CHRM3: variants seen among roughly 807,000 people sequenced by gnomAD.
CHRM3 encodes muscarinic acetylcholine receptor M3.
A neutral mutation model predicts 41.8 loss-of-function variants in CHRM3; 11 were observed. That is an observed-to-expected ratio of 0.26 (90% CI 0.17 to 0.44). CHRM3 has a LOEUF of 0.44. Ranked by LOEUF, CHRM3 falls within the 20% of genes least tolerant of loss-of-function variation. The probability of loss-of-function intolerance (pLI) is 1.00; values close to 1 mark genes in which losing one functional copy is unlikely to be tolerated. For missense variants in CHRM3, 571 were observed against 745.4 expected, an observed-to-expected ratio of 0.77 and a Z score of 2.72; for synonymous variants, 297 against 301.4, an observed-to-expected ratio of 0.99 and a Z score of 0.15.
chr1:239,733,570 A>G (rs1024786347), intron 5 of CHRM3, among the ~76,000 whole-genome samples: 3 of 152,072 alleles, frequency 2.0e-5, no homozygotes, highest in African/African-American at 7.2e-5. Context: ...TTATTTTGCT[A>G]TCAGGCTCTG....
At chr1:239,457,124 G>T (rs1409173559) in intron 1 of CHRM3, among the ~76,000 whole-genome samples, 1 of 151,462 alleles carries the variant, frequency 6.6e-6, no homozygotes, top group Non-Finnish European at 1.5e-5. Context: ...GGTCAAACCA[G>T]TGAAACCATT....
intron 5 of CHRM3, among the ~76,000 whole-genome samples, chr1:239,770,278 G>A (rs980760562): frequency 1.1e-3 from 173 of 152,316 alleles, no homozygotes; most frequent in African/African-American, 4.0e-3. Context: ...GGCCTAGACA[G>A]TGTATGTGTT....
intron 5 of CHRM3, among the ~76,000 whole-genome samples, chr1:239,696,287 C>A (rs1273981908): frequency 6.6e-6 from 1 of 152,168 alleles, no homozygotes. Context: ...GCAAAAAGTG[C>A]TATCTTTTGT....
chr1:239,789,229 C>T (rs1669151316), intron 5 of CHRM3, among the ~76,000 whole-genome samples: 1 of 152,098 alleles, frequency 6.6e-6, no homozygotes, highest in African/African-American at 2.4e-5. Flanking sequence ...TCTCACTGGC[C>T]AGTGCTCAAA....
chr1:239,441,736 A>AT (rs1663738518), intron 1 of CHRM3, among the ~76,000 whole-genome samples: 1 of 144,102 alleles, frequency 6.9e-6, no homozygotes, highest in South Asian at 2.1e-4. Flanking sequence ...GCTTTTGCCA[A>AT]TTTTTTATAG....
chr1:239,867,444 T>G (rs991023371), intron 6 of CHRM3, among the ~76,000 whole-genome samples: 6 of 152,124 alleles, frequency 3.9e-5, no homozygotes, highest in Admixed American at 3.9e-4. Flanking sequence ...TCCCAGCACT[T>G]TGGGAAGCCG....
intron 5 of CHRM3, among the ~76,000 whole-genome samples, chr1:239,792,662 A>C (rs969385366): frequency 1.3e-5 from 2 of 152,198 alleles, no homozygotes; most frequent in Non-Finnish European, 2.9e-5. Context: ...AATGTGTTCA[A>C]ATAAAGTTAT....
chr1:239,650,236 TA>T (rs1409977013), intron 4 of CHRM3, among the ~76,000 whole-genome samples: 1 of 152,232 alleles, frequency 6.6e-6, no homozygotes, highest in Non-Finnish European at 1.5e-5. Flanking sequence ...ATTCTTCTTA[TA>T]GGCAGGGTGA....
chr1:239,743,788 C>CTTTTTTTTTTTTTTT (rs10718514), intron 5 of CHRM3, among the ~76,000 whole-genome samples: 31 of 81,186 alleles, frequency 3.8e-4, no homozygotes, highest in Non-Finnish European at 4.8e-4. Context: ...TTTTTTTTTT[C>CTTTTTTTTTTTTTTT]TTTTTTTTTT....
intron 6 of CHRM3, among the ~76,000 whole-genome samples, chr1:239,898,970 T>A (rs1341835993): frequency 1.3e-5 from 2 of 152,224 alleles, no homozygotes; most frequent in Admixed American, 1.3e-4. Flanking sequence ...AATTCAGTAC[T>A]GTCAAACTTT....
intron 2 of CHRM3, among the ~76,000 whole-genome samples, chr1:239,520,729 A>G (rs1220220301): frequency 3.9e-5 from 6 of 152,308 alleles, no homozygotes; most frequent in African/African-American, 1.4e-4. Flanking sequence ...CTAAAATAGC[A>G]TTCTAACCAG....
At chr1:239,750,957 G>T (rs1665768424) in intron 5 of CHRM3, among the ~76,000 whole-genome samples, 1 of 152,134 alleles carries the variant, frequency 6.6e-6, no homozygotes, top group Admixed American at 6.5e-5. Context: ...TCCAGGTGAG[G>T]TGGCTCATGC....
At chr1:239,616,213 G>GT (rs1667615821) in intron 3 of CHRM3, among the ~76,000 whole-genome samples, 1 of 152,154 alleles carries the variant, frequency 6.6e-6, no homozygotes, top group Admixed American at 6.5e-5. Context: ...AATTCGTGTG[G>GT]TTAAACCTAA....
At chr1:239,752,188 G>A (rs1172901813) in intron 5 of CHRM3, among the ~76,000 whole-genome samples, 1 of 152,188 alleles carries the variant, frequency 6.6e-6, no homozygotes, top group African/African-American at 2.4e-5. Context: ...GGGATTTGTG[G>A]TCAGACATGG....
intron 3 of CHRM3, among the ~76,000 whole-genome samples, chr1:239,572,957 T>C (rs901747340): frequency 6.6e-6 from 1 of 152,172 alleles, no homozygotes; most frequent in Non-Finnish European, 1.5e-5. Context: ...TTCTGTTTCT[T>C]CTCTAAATGT....
chr1:239,728,573 A>G (rs1663661240), intron 5 of CHRM3, among the ~76,000 whole-genome samples: 1 of 152,020 alleles, frequency 6.6e-6, no homozygotes, highest in Admixed American at 6.6e-5. Context: ...TCAAAATATT[A>G]ACAATAACAA....
intron 2 of CHRM3, among the ~76,000 whole-genome samples, chr1:239,532,009 C>CT (rs34798101): frequency 0.21 from 16,376 of 76,180 alleles, 2,747 homozygotes; most frequent in Non-Finnish European, 0.27. Flanking sequence ...TTCCTTCTTT[C>CT]TTTTTTTTTT....
chr1:239,832,868 G>A (rs545777647), intron 6 of CHRM3, among the ~76,000 whole-genome samples: 1 of 152,248 alleles, frequency 6.6e-6, no homozygotes, highest in African/African-American at 2.4e-5. Context: ...TGGGATATCA[G>A]GACGCTCCTG....
At chr1:239,830,442 G>A (rs900221983) in intron 6 of CHRM3, among the ~76,000 whole-genome samples, 2 of 152,132 alleles carry the variant, frequency 1.3e-5, no homozygotes, top group East Asian at 1.9e-4. Flanking sequence ...AGTGGCTCAC[G>A]CCTGTAATCC....
Sources: gnomAD v4.1 joint callset for allele counts (sites outside exome capture counted in the v4.1 genomes callset) on GRCh38, gnomAD v4.1.1 for gene constraint, MANE v1.5 for transcripts, NCBI Gene and HGNC (gene_info 2026-07-23, HGNC 2026-07-21) for gene names.